Variants in SGSM1 observed in about 807,000 individuals in gnomAD.
SGSM1 encodes the protein small G protein signaling modulator 1.
A neutral mutation model predicts 133.8 loss-of-function variants in SGSM1; 73 were observed. The ratio of observed to expected loss-of-function variants is 0.55; its 90% CI spans 0.45 to 0.66. SGSM1 has a LOEUF of 0.66. Among genes scored for constraint, SGSM1 ranks in the 30% least tolerant of loss-of-function variants. The pLI, the probability that SGSM1 is intolerant of heterozygous loss-of-function variation, is 0.00. For synonymous variants in SGSM1, 563 were observed against 573.0 expected, an observed-to-expected ratio of 0.98 and a Z score of 0.25; for missense variants, 1,213 against 1,448.1, an observed-to-expected ratio of 0.84 and a Z score of 2.64.
chr22:24,915,411 A>G (rs1256100015), intron 22 of SGSM1, among the ~76,000 whole-genome samples: 2 of 152,192 alleles, frequency 1.3e-5, no homozygotes, highest in Non-Finnish European at 1.5e-5. Context: ...AAGTGATTGT[A>G]CTAGTTTCTT....
At chr22:24,875,287 T>A (rs1569158516) in intron 12 of SGSM1, among the ~76,000 whole-genome samples, 2 of 152,172 alleles carry the variant, frequency 1.3e-5, no homozygotes, top group Non-Finnish European at 2.9e-5. Context: ...TTTTAAATGA[T>A]CCAAAAAAGC....
At chr22:24,843,355 T>G (rs1929915753) in intron 2 of SGSM1, 3 of 152,830 alleles carry the variant, frequency 2.0e-5, no homozygotes, top group Non-Finnish European at 4.4e-5. Flanking sequence ...CACCAAACTG[T>G]GTTCATCTCC....
At chr22:24,840,881 C>G (rs539439646) in intron 2 of SGSM1, among the ~76,000 whole-genome samples, 2 of 152,068 alleles carry the variant, frequency 1.3e-5, no homozygotes, top group Admixed American at 6.6e-5. Flanking sequence ...GACGGAGTCT[C>G]GCTCTTTCAC....
At chr22:24,861,634 G>T (rs1478607998) in intron 9 of SGSM1, among the ~76,000 whole-genome samples, 1 of 151,626 alleles carries the variant, frequency 6.6e-6, no homozygotes, top group Non-Finnish European at 1.5e-5. Flanking sequence ...TGCAACCTCT[G>T]CTTCCTGGGT....
intron 18 of SGSM1, among the ~76,000 whole-genome samples, chr22:24,896,792 C>G (rs771763677): frequency 8.6e-5 from 13 of 151,620 alleles, no homozygotes; most frequent in Non-Finnish European, 1.8e-4. Context: ...GCCTGGCCAG[C>G]ATGGTGAAAC....
At chr22:24,910,980 C>T (rs1035762533) in intron 21 of SGSM1, among the ~76,000 whole-genome samples, 33 of 151,696 alleles carry the variant, frequency 2.2e-4, no homozygotes, top group African/African-American at 6.5e-4. Flanking sequence ...ATAGGCAAGG[C>T]GTGGTGGCTC....
intron 20 of SGSM1, among the ~76,000 whole-genome samples, chr22:24,902,428 G>A (rs1032564358): frequency 5.9e-5 from 9 of 152,194 alleles, no homozygotes; most frequent in Non-Finnish European, 8.8e-5. Flanking sequence ...TGACGTGGGA[G>A]GATCACTTGA....
chr22:24,810,504 C>T (rs770106853), intron 2 of SGSM1, among the ~76,000 whole-genome samples: 6 of 152,124 alleles, frequency 3.9e-5, no homozygotes, highest in Admixed American at 3.3e-4. Context: ...GTTCCCAGAG[C>T]GAGCAGGGAC....
At position 24,919,866 on chromosome 22, in the gene SGSM1, C is replaced by G; in HGVS notation, c.3066C>G (p.Ile1022Met). 1 of 1,614,078 alleles carries G rather than the reference C, an allele frequency of 6.2e-7. No individual in the cohort carries two copies. The highest frequency in any genetic ancestry group is 8.5e-7 in the Non-Finnish European group (1 of 1,179,910). ...YDDVFLVWET[I>M]WAAKHVSSAH... ...ACGTCTTCTTGGTCTGGGAGACCAT[C>G]TGGGCAGCCAAACACGTCTCCTCTG... The change falls in exon 24 of 25, where the codon ATC becomes ATG. Residue 1022 changes from isoleucine to methionine, a missense_variant. Ile to Met is a conservative substitution (Grantham distance 10, BLOSUM62 1). Coordinates refer to ENST00000400358, the MANE Select transcript of SGSM1 (RefSeq NM_001098497.3).
intron 19 of SGSM1, among the ~76,000 whole-genome samples, chr22:24,899,518 C>CTTT (rs56027362): frequency 3.0e-5 from 4 of 133,866 alleles, no homozygotes; most frequent in Non-Finnish European, 3.2e-5. Flanking sequence ...CTTTTCTTTT[C>CTTT]TTTTTTTTTT....
At chr22:24,900,683 C>T (rs892542427) in intron 19 of SGSM1, among the ~76,000 whole-genome samples, 6 of 152,206 alleles carry the variant, frequency 3.9e-5, no homozygotes, top group African/African-American at 1.4e-4. Context: ...AGGCATGAGC[C>T]ACGGCGCCCC....
intron 12 of SGSM1, among the ~76,000 whole-genome samples, chr22:24,874,125 T>G (rs757502303): frequency 6.6e-6 from 1 of 152,176 alleles, no homozygotes; most frequent in Non-Finnish European, 1.5e-5. Flanking sequence ...TTTCTTCTTC[T>G]GCAAAATAGA....
At chr22:24,818,618 C>T (rs567684692) in intron 2 of SGSM1, among the ~76,000 whole-genome samples, 2 of 151,892 alleles carry the variant, frequency 1.3e-5, no homozygotes, top group South Asian at 2.1e-4. Context: ...CCACCTGCCT[C>T]GGCCTCCCAG....
Position 24,868,418 on chromosome 22 carries a change from T to C in SGSM1, c.1037T>C (p.Ile346Thr). The C allele has an allele frequency of 6.2e-7, 1 of 1,613,714 alleles. No individual in the cohort carries two copies. Among genetic ancestry groups the C allele is most frequent in the South Asian group, 1.1e-5 (1 of 91,054 alleles). Residue 346 changes from isoleucine to threonine, a missense_variant, in exon 11 of 25, where the codon ATC becomes ACC. Ile to Thr is a moderately conservative substitution (Grantham distance 89, BLOSUM62 -1). Coordinates refer to ENST00000400358, the MANE Select transcript of SGSM1 (RefSeq NM_001098497.3). ...GTGGTATTGGTCAGCCAGGACGGGA[T>C]CCAGAGGCCGCCCTTCCGCTTCCCC... ...GTVVLVSQDG[I>T]QRPPFRFPKG...
chr22:24,821,804 A>T (rs138289884), intron 2 of SGSM1, among the ~76,000 whole-genome samples: 2 of 152,312 alleles, frequency 1.3e-5, no homozygotes, highest in East Asian at 3.9e-4. Flanking sequence ...AGAAAAGCTG[A>T]GCAGAAGGTG....
At chr22:24,909,300 A>G (rs1236831105) in intron 21 of SGSM1, among the ~76,000 whole-genome samples, 5 of 152,198 alleles carry the variant, frequency 3.3e-5, no homozygotes, top group Non-Finnish European at 5.9e-5. Context: ...ATGGAAATCA[A>G]AACCACAGTG....
At chr22:24,878,130 C>T (rs1439530938) in intron 13 of SGSM1, among the ~76,000 whole-genome samples, 1 of 152,142 alleles carries the variant, frequency 6.6e-6, no homozygotes, top group Non-Finnish European at 1.5e-5. Flanking sequence ...TCTTATCATG[C>T]ATTAGAATCA....
intron 13 of SGSM1, among the ~76,000 whole-genome samples, chr22:24,877,528 A>G (rs926879283): frequency 3.9e-5 from 6 of 152,144 alleles, no homozygotes; most frequent in Middle Eastern, 3.2e-3. Flanking sequence ...CTGAGAAAAT[A>G]GAACCCTTTT....
Position 24,924,194 on chromosome 22 carries a change from G to A in SGSM1, c.3202G>A (p.Glu1068Lys). The A allele has an allele frequency of 6.2e-7, 1 of 1,613,944 alleles. No individual in the cohort carries two copies. The highest frequency in any genetic ancestry group is 8.5e-7 in the Non-Finnish European group (1 of 1,179,884). Residue 1068 changes from glutamate to lysine, a missense_variant, in exon 25 of 25, where the codon GAG (glutamate) becomes AAG (lysine). Glu to Lys is a moderately conservative substitution (Grantham distance 56, BLOSUM62 1). Transcript: ENST00000400358. ...DIIKFFNEMA[E>K]RHNTKQVLKL... is the part of the protein sequence containing the mutation. The stretch of plus-strand genomic sequence containing the variant: ...TCTTTCTGCTCTTTCAGAAATGGCT[G>A]AGCGACACAACACCAAGCAAGTCCT...
Sources: gnomAD v4.1 joint callset for allele counts (sites outside exome capture counted in the v4.1 genomes callset) on GRCh38, gnomAD v4.1.1 for gene constraint, MANE v1.5 for transcripts, NCBI Gene and HGNC (gene_info 2026-07-23, HGNC 2026-07-21) for gene names.